RIC1: variants seen among roughly 807,000 people sequenced by gnomAD.
The protein encoded by RIC1 is RIC1 partner of RAB6A GEF complex.
RIC1 carries 88 observed loss-of-function variants against 169.0 expected under a neutral mutation model. The ratio of observed to expected loss-of-function variants is 0.52; its 90% CI spans 0.44 to 0.62. RIC1 has a LOEUF of 0.62. Ranked by LOEUF, RIC1 falls within the 20% of genes least tolerant of loss-of-function variation. The probability of loss-of-function intolerance (pLI) is 0.00; values close to 1 mark genes in which losing one functional copy is unlikely to be tolerated. For missense variants in RIC1, 1,877 were observed against 1,725.5 expected (o/e 1.09, Z -1.56); for synonymous variants, 790 against 601.5 (o/e 1.31, Z -4.59).
intron 6 of RIC1, among the ~76,000 whole-genome samples, chr9:5,728,466 G>A (rs1490207261): frequency 6.6e-6 from 1 of 152,208 alleles, no homozygotes; most frequent in Non-Finnish European, 1.5e-5. Context: ...CTATGAAAAG[G>A]AATTCCCCGA....
At chr9:5,754,213 C>A (rs1389055557) in intron 14 of RIC1, among the ~76,000 whole-genome samples, 12 of 152,196 alleles carry the variant, frequency 7.9e-5, no homozygotes, top group African/African-American at 2.9e-4. Flanking sequence ...CACACACACA[C>A]ACAAACTAGG....
At chr9:5,689,518 C>G (rs1360057635) in intron 2 of RIC1, among the ~76,000 whole-genome samples, 2 of 152,078 alleles carry the variant, frequency 1.3e-5, no homozygotes, top group Non-Finnish European at 2.9e-5. Flanking sequence ...ATATGCTGTT[C>G]TGAAGTTAAT....
chr9:5,725,699 C>G (rs913691764), intron 6 of RIC1, among the ~76,000 whole-genome samples: 2 of 151,998 alleles, frequency 1.3e-5, no homozygotes, highest in African/African-American at 4.8e-5. Flanking sequence ...GGCATTTAAT[C>G]CTATAAATTT....
intron 1 of RIC1, among the ~76,000 whole-genome samples, chr9:5,643,913 G>T (rs1447800760): frequency 6.6e-6 from 1 of 152,122 alleles, no homozygotes; most frequent in Non-Finnish European, 1.5e-5. Context: ...GAATCAGAGA[G>T]GTTTCTTACC....
At chr9:5,724,981 G>A (rs1823869195) in intron 6 of RIC1, among the ~76,000 whole-genome samples, 1 of 152,110 alleles carries the variant, frequency 6.6e-6, no homozygotes, top group Admixed American at 6.5e-5. Context: ...GAGGATTTTT[G>A]CATCATTGTT....
intron 12 of RIC1, among the ~76,000 whole-genome samples, chr9:5,749,932 C>A (rs1054294667): frequency 6.6e-6 from 1 of 151,720 alleles, no homozygotes; most frequent in African/African-American, 2.4e-5. Context: ...GCACCTGCCA[C>A]CATGCCCGGC....
In RIC1 at chr9:5,741,908, A is replaced by G. The variant is rs192635172; in HGVS notation, c.902-961A>G. Among the ~76,000 whole-genome samples the G allele has an allele frequency of 1.9e-3, 285 of 152,252 alleles. 1 individual carries two copies. The highest frequency in any genetic ancestry group is 4.2e-3 in the Admixed American group (64 of 15,270). ...CGCTTTGAGAACTGGATAACATTTG[A>G]GTTTTTCCAGAGAGGATTTAAATTT... On this transcript the variant is annotated intron_variant, in intron 8 of 25. Transcript: ENST00000414202.
intron 2 of RIC1, among the ~76,000 whole-genome samples, chr9:5,664,427 T>C (rs1332354548): frequency 1.3e-5 from 2 of 151,858 alleles, no homozygotes; most frequent in Non-Finnish European, 2.9e-5. Flanking sequence ...AAAAAGAATG[T>C]TTAATATTGG....
At chr9:5,631,620 G>C (rs1236959953) in intron 1 of RIC1, among the ~76,000 whole-genome samples, 1 of 149,658 alleles carries the variant, frequency 6.7e-6, no homozygotes. Flanking sequence ...CCAAGAGGCA[G>C]AGGTTGCAGT....
intron 21 of RIC1, 141 bp downstream of exon 21, chr9:5,765,939 C>A: frequency 9.8e-7 from 1 of 1,015,544 alleles, no homozygotes; most frequent in Admixed American, 2.7e-5. Flanking sequence ...AAGCAGAGGC[C>A]ACACAGAAGG....
chr9:5,674,627 A>G (rs1348085799), intron 2 of RIC1, among the ~76,000 whole-genome samples: 1 of 152,164 alleles, frequency 6.6e-6, no homozygotes, highest in African/African-American at 2.4e-5. Flanking sequence ...CCTACTCCAC[A>G]AGTAGCTACT....
At chr9:5,660,393 G>A (rs1199944642) in intron 2 of RIC1, among the ~76,000 whole-genome samples, 3 of 152,076 alleles carry the variant, frequency 2.0e-5, no homozygotes, top group Non-Finnish European at 4.4e-5. Flanking sequence ...TGGGTCAAAC[G>A]GTATTTCTGC....
chr9:5,673,441 A>G (rs1820231243), intron 2 of RIC1, among the ~76,000 whole-genome samples: 2 of 151,158 alleles, frequency 1.3e-5, no homozygotes, highest in Non-Finnish European at 1.5e-5. Flanking sequence ...TTGGCAATAC[A>G]TATTAAAATG....
chr9:5,696,331 A>G (rs555296257), intron 3 of RIC1, among the ~76,000 whole-genome samples: 7 of 152,144 alleles, frequency 4.6e-5, no homozygotes, highest in African/African-American at 1.7e-4. Context: ...CATATCTTGA[A>G]CACATCGAAC....
intron 6 of RIC1, among the ~76,000 whole-genome samples, chr9:5,730,538 G>C (rs1250236124): frequency 6.6e-6 from 1 of 152,056 alleles, no homozygotes; most frequent in Non-Finnish European, 1.5e-5. Flanking sequence ...AGTATATATG[G>C]GTGCATGTTT....
chr9:5,732,273 A>T, intron 6 of RIC1, 115 bp from the exon 7 acceptor site: 1 of 781,302 alleles, frequency 1.3e-6, no homozygotes, highest in Non-Finnish European at 2.1e-6. Flanking sequence ...TTTCCTCTGC[A>T]GATGAAACCA....
chr9:5,637,454 A>C (rs1285575249), intron 1 of RIC1, among the ~76,000 whole-genome samples: 1 of 152,174 alleles, frequency 6.6e-6, no homozygotes, highest in Non-Finnish European at 1.5e-5. Flanking sequence ...TTTAACCTTC[A>C]TGTTCCAAAC....
At chr9:5,650,338 G>C (rs550850948) in intron 1 of RIC1, among the ~76,000 whole-genome samples, 2 of 152,114 alleles carry the variant, frequency 1.3e-5, no homozygotes, top group African/African-American at 4.8e-5. Flanking sequence ...TGGCAGACAG[G>C]GTGAGGCAAT....
rs1478792854 is a variant in RIC1 at position 5,647,938 on chromosome 9, G to GTGT, written c.145-8643_145-8642insTTG. ...TTTTTGTTTGTGTGTGTGGGGGTGG[G>GTGT]TGGTGGTGGTGGTGGTGGTGGTGGT... On this transcript the variant is annotated intron_variant, in intron 1 of 25. Coordinates refer to ENST00000414202, the MANE Select transcript of RIC1 (RefSeq NM_020829.4). Among the ~76,000 whole-genome samples the GTGT allele has an allele frequency of 1.2e-4, 14 of 114,932 alleles. No individual in the cohort carries two copies. In the East Asian group the frequency reaches 3.9e-3, roughly 32 times the overall value. The allele number at this position is 114,932 out of a possible 152,430, so 75.4% of individuals were successfully genotyped here.
Sources: gnomAD v4.1 joint callset for allele counts (sites outside exome capture counted in the v4.1 genomes callset) on GRCh38, gnomAD v4.1.1 for gene constraint, MANE v1.5 for transcripts, NCBI Gene and HGNC (gene_info 2026-07-23, HGNC 2026-07-21) for gene names.